The following SPATA22 variants were observed in gnomAD, a reference collection of about 807,000 sequenced individuals.
SPATA22 encodes spermatogenesis associated 22.
A neutral mutation model predicts 47.8 loss-of-function variants in SPATA22; 29 were observed. The ratio of observed to expected loss-of-function variants is 0.61; its 90% CI spans 0.45 to 0.83. SPATA22 has a LOEUF of 0.83. Among genes scored for constraint, SPATA22 ranks in the 40% least tolerant of loss-of-function variants. SPATA22 has a pLI of 0.00. For missense variants in SPATA22, 410 were observed against 421.7 expected (o/e 0.97, Z 0.24); for synonymous variants, 133 against 140.9 (o/e 0.94, Z 0.40).
intron 5 of SPATA22, among the ~76,000 whole-genome samples, chr17:3,457,180 T>C (rs1789001400): frequency 6.6e-6 from 1 of 151,854 alleles, no homozygotes; most frequent in Admixed American, 6.6e-5. Flanking sequence ...TTCAACATAG[T>C]GTTGGAAGTT....
In SPATA22 at chr17:3,469,364, T is replaced by C; in HGVS notation, c.-39A>G. The stretch of plus-strand genomic sequence containing the variant: ...AAAATCTATAATTTTCTATTCAGCA[T>C]TCCAAATTTATAATATGACATTGTC... On this transcript the variant is annotated 5_prime_UTR_variant, in exon 2 of 9. It removes an upstream start codon present in the reference 5' UTR. Coordinates refer to ENST00000572969, the MANE Select transcript of SPATA22 (RefSeq NM_001170698.2). 2.0e-6 allele frequency: 3 copies of C among 1,499,472 alleles called. No homozygotes were observed. The highest frequency in any genetic ancestry group is 2.7e-6 in the Non-Finnish European group (3 of 1,108,854). The allele number at this position is 1,499,472 out of a possible 1,614,324, so 92.9% of individuals were successfully genotyped here.
At chr17:3,468,473 G>T (rs1028702571) in intron 2 of SPATA22, 1 of 152,174 alleles carries the variant, frequency 6.6e-6, no homozygotes, top group African/African-American at 2.4e-5. Context: ...TGAAAGGCTG[G>T]GAGAATTATG....
At chr17:3,455,244 T>C (rs957779119) in intron 5 of SPATA22, among the ~76,000 whole-genome samples, 2 of 152,080 alleles carry the variant, frequency 1.3e-5, no homozygotes, top group African/African-American at 4.8e-5. Flanking sequence ...ATTTTGTAGG[T>C]TGCCTGTTCA....
intron 1 of SPATA22, chr17:3,481,652 A>G: frequency 6.2e-7 from 1 of 1,613,900 alleles, no homozygotes; most frequent in Non-Finnish European, 8.5e-7. Flanking sequence ...GGCTCAAGAA[A>G]TAAATCATTT....
intron 3 of SPATA22, among the ~76,000 whole-genome samples, chr17:3,466,278 A>G (rs551903983): frequency 2.6e-5 from 4 of 151,662 alleles, no homozygotes; most frequent in Non-Finnish European, 4.4e-5. Context: ...CAAAATGTAA[A>G]TGTATATAAC....
At chr17:3,505,754 T>C (rs2074034982) in intron 1 of SPATA22, among the ~76,000 whole-genome samples, 1 of 24,474 alleles carries the variant, frequency 4.1e-5, no homozygotes, top group Admixed American at 7.3e-4. Context: ...TTGTTGTTTT[T>C]TGTTTTTTTT....
At chr17:3,479,372 T>C (rs569583116) in intron 1 of SPATA22, among the ~76,000 whole-genome samples, 1 of 152,360 alleles carries the variant, frequency 6.6e-6, no homozygotes, top group African/African-American at 2.4e-5. Flanking sequence ...CAGGGGGTTA[T>C]TTCATGAATT....
At chr17:3,456,657 C>T (rs1044980411) in intron 5 of SPATA22, among the ~76,000 whole-genome samples, 17 of 152,034 alleles carry the variant, frequency 1.1e-4, no homozygotes, top group Non-Finnish European at 2.9e-5. Context: ...GAAACTATTC[C>T]AATCAATAGA....
chr17:3,462,687 G>T lies in SPATA22; in HGVS notation c.233+20C>A. 6.2e-7 allele frequency: 1 copy of T among 1,604,490 alleles called. No homozygotes were observed. Among genetic ancestry groups the T allele is most frequent in the Non-Finnish European group, 8.5e-7 (1 of 1,171,342 alleles). On this transcript the variant is annotated intron_variant, in intron 4 of 8. Transcript: ENST00000572969. Reference sequence around the variant, plus strand: ...GTTAGTAACAGACACACATCCAATGGTTTATATTTCTCCACATACCCGGTG... The same window carrying T: ...GTTAGTAACAGACACACATCCAATGTTTTATATTTCTCCACATACCCGGTG...
intron 1 of SPATA22, among the ~76,000 whole-genome samples, chr17:3,505,876 G>C (rs2074036753): frequency 6.6e-6 from 1 of 151,722 alleles, no homozygotes; most frequent in African/African-American, 2.4e-5. Context: ...TCGTGCCTCA[G>C]CCTCCTGGGT....
intron 1 of SPATA22, among the ~76,000 whole-genome samples, chr17:3,509,736 G>A (rs12945080): frequency 0.95 from 144,110 of 152,222 alleles, 68,700 homozygotes; most frequent in East Asian, 1. Context: ...TTGAGGAATC[G>A]CCATACTGTC....
At chr17:3,471,988 T>C (rs1228708249), upstream of SPATA22, 1 of 460,776 alleles carries the variant, frequency 2.2e-6, no homozygotes, top group African/African-American at 2.2e-5. Flanking sequence ...CCTTAGAGTT[T>C]TGCCCAGAGA....
intron 1 of SPATA22, among the ~76,000 whole-genome samples, chr17:3,486,078 G>A (rs1166476923): frequency 6.6e-6 from 1 of 152,004 alleles, no homozygotes; most frequent in Non-Finnish European, 1.5e-5. Context: ...GATTACAGGT[G>A]CCCACCACCA....
chr17:3,503,600 A>C (rs1449873349), intron 1 of SPATA22, among the ~76,000 whole-genome samples: 3 of 152,184 alleles, frequency 2.0e-5, no homozygotes, highest in African/African-American at 7.2e-5. Context: ...TGTACAATTT[A>C]TATCACTGTG....
At chr17:3,482,408 C>T (rs765717556) in intron 1 of SPATA22, among the ~76,000 whole-genome samples, 1 of 152,062 alleles carries the variant, frequency 6.6e-6, no homozygotes, top group African/African-American at 2.4e-5. Flanking sequence ...AAATAGCAAC[C>T]AACCAGAAAC....
At chr17:3,450,380 T>C (rs1320632136) in intron 5 of SPATA22, among the ~76,000 whole-genome samples, 4 of 152,168 alleles carry the variant, frequency 2.6e-5, no homozygotes, top group East Asian at 1.9e-4. Flanking sequence ...GAAAGCACAA[T>C]TACAACAATT....
At position 3,449,333 on chromosome 17, in the gene SPATA22, G is replaced by A. The variant is rs989107412; in HGVS notation, c.330-184C>T. Reference sequence around the variant, plus strand: ...TGTTGTACTACCTCTCTTTCCAGATGAGAAGACTGATCCCTAATGAGGAAT... The same window carrying A: ...TGTTGTACTACCTCTCTTTCCAGATAAGAAGACTGATCCCTAATGAGGAAT... On this transcript the variant is annotated intron_variant, in intron 5 of 8. Coordinates refer to ENST00000572969, the MANE Select transcript of SPATA22 (RefSeq NM_001170698.2). Among the ~76,000 whole-genome samples the A allele has an allele frequency of 2.6e-5, 4 of 152,108 alleles. No homozygotes were observed. In the East Asian group the frequency reaches 7.7e-4, roughly 29 times the overall value.
rs562246714 is a variant in SPATA22, at chr17:3,490,175, G to A, written c.-73-20777C>T. 3.3e-5 allele frequency among the ~76,000 whole-genome samples: 5 copies of A among 152,076 alleles called. No homozygotes were observed. Among genetic ancestry groups the A allele is most frequent in the African/African-American group, 4.8e-5 (2 of 41,396 alleles). On this transcript the variant is annotated intron_variant, in intron 1 of 8. Transcript: ENST00000541913. This position sits in a 1 kb window ranked among gnomAD's most constrained non-coding sequence, Gnocchi z 4.6. ...ACTGATAACAATAGTTACCGGGGAC[G>A]GGAGGCAAAACCCAGGCTAATTTTG... is the stretch of plus-strand genomic sequence containing the variant.
At chr17:3,468,732 T>C (rs1229232910) in intron 2 of SPATA22, 1 of 178,652 alleles carries the variant, frequency 5.6e-6, no homozygotes, top group Non-Finnish European at 1.1e-5. Flanking sequence ...ACAACAGAAA[T>C]GATTATAATA....
Sources: gnomAD v4.1 joint callset for allele counts (sites outside exome capture counted in the v4.1 genomes callset) on GRCh38, gnomAD v4.1.1 for gene constraint, Gnocchi (gnomAD v3.1) non-coding constraint, MANE v1.5 for transcripts, NCBI Gene and HGNC (gene_info 2026-07-23, HGNC 2026-07-21) for gene names.